NCAPD2: variants seen among roughly 807,000 people sequenced by gnomAD.
The protein encoded by NCAPD2 is non-SMC condensin I complex subunit D2, also known as condensin complex subunit 1.
In NCAPD2, 100 loss-of-function variants were observed where a neutral mutation model predicts 164.5. That is an observed-to-expected ratio of 0.61 (90% CI 0.52 to 0.72). NCAPD2 has a LOEUF of 0.72. NCAPD2 is among the 30% of genes least tolerant of loss of function. The pLI, the probability that NCAPD2 is intolerant of heterozygous loss-of-function variation, is 0.00. For missense variants in NCAPD2, 1,560 were observed against 1,749.2 expected (o/e 0.89, Z 1.93); for synonymous variants, 585 against 642.6 (o/e 0.91, Z 1.36).
intron 2 of NCAPD2, among the ~76,000 whole-genome samples, chr12:6,508,041 AT>A (rs1183597453): frequency 1.3e-5 from 2 of 152,214 alleles, no homozygotes; most frequent in South Asian, 2.1e-4. Context: ...AGAAAAAAAA[AT>A]TAGCTGGGCC....
At position 6,495,073 on chromosome 12, in the gene NCAPD2, T is replaced by C; in HGVS notation, c.-23-3T>C. The C allele has an allele frequency of 3.1e-6, 5 of 1,613,830 alleles. No individual in the cohort carries two copies. The highest frequency in any genetic ancestry group is 4.2e-6 in the Non-Finnish European group (5 of 1,179,820). ...CCTGACTTTTTCACTGTTTGGTTTCTAGCCCTGTGAGCCTGTAGGAGTAGA... is the reference window on the plus strand; with the variant it reads ...CCTGACTTTTTCACTGTTTGGTTTCCAGCCCTGTGAGCCTGTAGGAGTAGA... On this transcript the variant is annotated splice_region_variant and splice_polypyrimidine_tract_variant and intron_variant, in intron 1 of 31. Coordinates refer to ENST00000315579, the MANE Select transcript of NCAPD2 (RefSeq NM_014865.4).
At chr12:6,496,471 C>T (rs1177380627) in intron 2 of NCAPD2, among the ~76,000 whole-genome samples, 5 of 152,182 alleles carry the variant, frequency 3.3e-5, no homozygotes, top group African/African-American at 4.8e-5. Flanking sequence ...CTTGCCCAGG[C>T]TGGAGTCCAG....
intron 6 of NCAPD2, 45 bp from the exon 7 acceptor site, chr12:6,514,220 G>T (rs778945087): frequency 9.3e-6 from 15 of 1,613,034 alleles, no homozygotes; most frequent in Middle Eastern, 1.6e-4. Context: ...GATACAATTG[G>T]ATTCAGACAG....
At position 6,517,562 on chromosome 12, in the gene NCAPD2, A is replaced by T. The variant is rs370592792; in HGVS notation, c.1321-34A>T. 8 of 1,614,130 alleles carry T rather than the reference A, an allele frequency of 5.0e-6. No homozygotes were observed. The African/African-American group carries it at 1.1e-4, about 22-fold the overall frequency. On this transcript the variant is annotated intron_variant, in intron 11 of 31. Transcript: ENST00000315579. Reference sequence around the variant, plus strand: ...ATGGAAACAGGGATGAAATTATGTCATTTACTGACCCTGCTATTCATTTTA... The same window carrying T: ...ATGGAAACAGGGATGAAATTATGTCTTTTACTGACCCTGCTATTCATTTTA...
rs1946370440 is a variant in NCAPD2, at chr12:6,531,253, C to T, written c.4121-74C>T. The T allele has an allele frequency of 2.0e-6, 3 of 1,525,200 alleles. No individual in the cohort carries two copies. The highest frequency in any genetic ancestry group is 2.7e-6 in the Non-Finnish European group (3 of 1,109,164). 94.5% of individuals were successfully genotyped at this position (1,525,200 alleles called of 1,614,324 possible). ...TTCTGTGCGGTGTGGGATTGTCTCA[C>T]TTGTTCTCTGATATCTATTTTTTCA... is the stretch of plus-strand genomic sequence containing the variant. On this transcript the variant is annotated intron_variant, in intron 31 of 31. Transcript: ENST00000315579. The surrounding 1 kb of genome is among the most constrained non-coding windows in gnomAD (Gnocchi z 4.1).
chr12:6,514,428 A>G, intron 7 of NCAPD2, 36 bp downstream of exon 7: 2 of 1,614,076 alleles, frequency 1.2e-6, no homozygotes, highest in Non-Finnish European at 8.5e-7. Flanking sequence ...CCTTTTTTGT[A>G]TTGCCCATAA....
intron 2 of NCAPD2, among the ~76,000 whole-genome samples, chr12:6,497,731 T>G (rs1396658188): frequency 2.6e-5 from 4 of 151,576 alleles, no homozygotes; most frequent in African/African-American, 9.7e-5. Context: ...GTGATTCTCC[T>G]ACCTCAGCCT....
rs762184569 is a variant in NCAPD2, at chr12:6,527,845, G to A, written c.2976G>A (p.Glu992=). 5 of 1,613,832 alleles carry A rather than the reference G, an allele frequency of 3.1e-6. No homozygotes were observed. The highest frequency in any genetic ancestry group is 4.2e-6 in the Non-Finnish European group (5 of 1,179,828). The change falls in exon 23 of 32, where the codon GAG becomes GAA. Residue 992 remains glutamate, a synonymous_variant. Transcript: ENST00000315579. ...TTGGGGCAACAGCAGATGACACAGA[G>A]GCAGAACTAATCCGTGGCATCTGCG... ...GLVGATADDT[E]AELIRGICEM...
In NCAPD2 at chr12:6,528,801, C is replaced by T; in HGVS notation, c.3422C>T (p.Pro1141Leu). The change falls in exon 26 of 32, where the codon CCC becomes CTC. Residue 1141 changes from proline (P) to leucine (L), a missense_variant. By Grantham distance (98) the Pro-to-Leu change is moderately conservative. Transcript: ENST00000315579. The surrounding 1 kb of genome is among the most constrained non-coding windows in gnomAD (Gnocchi z 5.1). ...VSEMAVLLID[P>L]EPQIAALAKN... ...GAGATGGCGGTGCTGCTCATCGACC[C>T]CGAGCCTCAGATTGCTGCCCTGGCC... 1 of 1,614,094 alleles carries T rather than the reference C, an allele frequency of 6.2e-7. No individual in the cohort carries two copies. The highest frequency in any genetic ancestry group is 8.5e-7 in the Non-Finnish European group (1 of 1,180,022).
rs146743618 is a variant in NCAPD2 at position 6,517,343 on chromosome 12, C to G, written c.1186-22C>G. On this transcript the variant is annotated intron_variant, in intron 10 of 31. Coordinates refer to ENST00000315579, the MANE Select transcript of NCAPD2 (RefSeq NM_014865.4). Reference sequence around the variant, plus strand: ...GGATGATGTGGGACTTGAGCAGATTCTTCTCTTCCTACCCTACACAGGCTC... The same window carrying G: ...GGATGATGTGGGACTTGAGCAGATTGTTCTCTTCCTACCCTACACAGGCTC... 26 of 1,610,174 alleles carry G rather than the reference C, an allele frequency of 1.6e-5. No homozygotes were observed. In the African/African-American group the frequency reaches 2.7e-4, roughly 17 times the overall value.
intron 2 of NCAPD2, among the ~76,000 whole-genome samples, chr12:6,504,228 T>TACATATATATATATATACACAC: frequency 1.8e-5 from 1 of 55,884 alleles, no homozygotes; most frequent in South Asian, 4.7e-4. Flanking sequence ...GATATAGATA[T>TACATATATATATATATACACAC]ATATATATAT....
intron 2 of NCAPD2, among the ~76,000 whole-genome samples, chr12:6,501,056 CTTTT>C (rs35142882): frequency 7.9e-6 from 1 of 127,078 alleles, no homozygotes; most frequent in African/African-American, 2.8e-5. Context: ...GATTACAAGG[CTTTT>C]TTTTTTTTTT....
intron 2 of NCAPD2, among the ~76,000 whole-genome samples, chr12:6,504,198 T>C (rs911850441): frequency 0.17 from 4,019 of 23,956 alleles, 88 homozygotes; most frequent in Non-Finnish European, 0.22. Context: ...TATATATATA[T>C]ATATATATAT....
At chr12:6,505,922 T>C (rs1249151371) in intron 2 of NCAPD2, among the ~76,000 whole-genome samples, 3 of 152,076 alleles carry the variant, frequency 2.0e-5, no homozygotes, top group Non-Finnish European at 4.4e-5. Context: ...TCTTGGGCTG[T>C]GAATGATGTC....
Position 6,517,943 on chromosome 12 carries a change from G to T in NCAPD2, c.1573G>T (p.Ala525Ser). ...GAAAGGACGCATCTATCAACTGCTTGCCAAAGCTAGTTACAAGTAGGCAAA... is the reference window on the plus strand; with the variant it reads ...GAAAGGACGCATCTATCAACTGCTTTCCAAAGCTAGTTACAAGTAGGCAAA... The part of the protein sequence containing the change: ...DVKGRIYQLL[A>S]KASYKKAIIL... The change falls in exon 13 of 32, where the codon GCC becomes TCC. Residue 525 changes from alanine to serine, a missense_variant. Coordinates refer to ENST00000315579, the MANE Select transcript of NCAPD2 (RefSeq NM_014865.4). 1.2e-6 allele frequency: 2 copies of T among 1,613,698 alleles called. No homozygotes were observed. The highest frequency in any genetic ancestry group is 1.7e-6 in the Non-Finnish European group (2 of 1,179,986).
chr12:6,498,947 C>T (rs1358698833), intron 2 of NCAPD2, among the ~76,000 whole-genome samples: 1 of 152,034 alleles, frequency 6.6e-6, no homozygotes, highest in African/African-American at 2.4e-5. Flanking sequence ...TGTAACTATG[C>T]CAGCATCACT....
chr12:6,501,310 G>A (rs1274312832), intron 2 of NCAPD2, among the ~76,000 whole-genome samples: 5 of 138,336 alleles, frequency 3.6e-5, no homozygotes, highest in Non-Finnish European at 7.5e-5. Context: ...GCACCATCTC[G>A]GTTCACTGCA....
At chr12:6,529,387 G>A in intron 27 of NCAPD2, 126 bp from the exon 28 acceptor site, 1 of 856,572 alleles carries the variant, frequency 1.2e-6, no homozygotes, top group Non-Finnish European at 1.9e-6. Context: ...GGAGTGGTGA[G>A]GCAGACAGGG....
At chr12:6,513,776 CATG>C (rs1460409239) in intron 6 of NCAPD2, among the ~76,000 whole-genome samples, 2 of 137,662 alleles carry the variant, frequency 1.5e-5, no homozygotes, top group African/African-American at 5.6e-5. Context: ...AGTGCAGTGG[CATG>C]ATATCAGCTC....
Sources: gnomAD v4.1 joint callset for allele counts (sites outside exome capture counted in the v4.1 genomes callset) on GRCh38, gnomAD v4.1.1 for gene constraint, Gnocchi (gnomAD v3.1) non-coding constraint, MANE v1.5 for transcripts, NCBI Gene and HGNC (gene_info 2026-07-23, HGNC 2026-07-21) for gene names.